The following CDH23 variants were observed in gnomAD, a reference collection of about 807,000 sequenced individuals.
CDH23 encodes the protein cadherin-23.
Under a neutral mutation model 317.1 loss-of-function variants are expected in CDH23, and 189 were observed. The ratio of observed to expected loss-of-function variants is 0.60; its 90% CI spans 0.53 to 0.67. CDH23 has a LOEUF of 0.67. CDH23 is among the 30% of genes least tolerant of loss of function. The pLI is 0.00. For missense variants in CDH23, 4,401 were observed against 4,592.4 expected, an observed-to-expected ratio of 0.96 and a Z score of 1.20; for synonymous variants, 1,839 against 1,876.8, an observed-to-expected ratio of 0.98 and a Z score of 0.52.
At chr10:71,480,363 C>A (rs1852003885) in intron 3 of CDH23, among the ~76,000 whole-genome samples, 1 of 152,242 alleles carries the variant, frequency 6.6e-6, no homozygotes, top group Admixed American at 6.5e-5. Flanking sequence ...AGGCTGTACT[C>A]TGGGAGGACA....
chr10:71,754,974 T>C (rs778526353), intron 38 of CDH23: 8 of 419,806 alleles, frequency 1.9e-5, no homozygotes, highest in Non-Finnish European at 2.9e-5. Context: ...TCATTTTTTG[T>C]CCCAACAATT....
chr10:71,637,059 TG>T (rs1472158839), intron 11 of CDH23, among the ~76,000 whole-genome samples: 1 of 152,142 alleles, frequency 6.6e-6, no homozygotes, highest in Non-Finnish European at 1.5e-5. Flanking sequence ...GGCTTTGAGT[TG>T]AAGGTGGAAG....
intron 3 of CDH23, among the ~76,000 whole-genome samples, chr10:71,463,284 A>C (rs1304666771): frequency 6.6e-6 from 1 of 152,204 alleles, no homozygotes; most frequent in East Asian, 1.9e-4. Context: ...TGGTACCCTC[A>C]TTTGGTGAGA....
At chr10:71,399,647 C>T (rs1847692544) in intron 1 of CDH23, among the ~76,000 whole-genome samples, 1 of 152,092 alleles carries the variant, frequency 6.6e-6, no homozygotes, top group Non-Finnish European at 1.5e-5. Flanking sequence ...CTCCTATAGT[C>T]CCAGCTAATG....
Position 71,541,850 on chromosome 10 carries a change from T to C in CDH23, c.430-24892T>C, listed in dbSNP as rs1001218370. ...TGTTCCAATACAAGTTTATAGATGC[T>C]GAGATTTGAATTTTATATAACTTTT... is the stretch of plus-strand genomic sequence containing the variant. On this transcript the variant is annotated intron_variant, in intron 6 of 69. Coordinates refer to ENST00000224721, the MANE Select transcript of CDH23 (RefSeq NM_022124.6). 2.0e-5 allele frequency among the ~76,000 whole-genome samples: 3 copies of C among 152,244 alleles called. No individual in the cohort carries two copies. In the East Asian group the frequency reaches 5.8e-4, roughly 29 times the overall value.
At chr10:71,571,272 T>C (rs1857786350) in intron 8 of CDH23, among the ~76,000 whole-genome samples, 1 of 151,660 alleles carries the variant, frequency 6.6e-6, no homozygotes, top group Non-Finnish European at 1.5e-5. Context: ...AGAACATCAG[T>C]GTGGCTCAGC....
chr10:71,530,069 A>ACACACT (rs1260256322), intron 6 of CDH23, among the ~76,000 whole-genome samples: 1 of 145,014 alleles, frequency 6.9e-6, no homozygotes, highest in Non-Finnish European at 1.5e-5. Context: ...ACACACACAC[A>ACACACT]CTCTCCCCAG....
intron 11 of CDH23, among the ~76,000 whole-genome samples, chr10:71,625,396 TAAA>T (rs1156772192): frequency 1.2e-3 from 24 of 19,830 alleles, no homozygotes; most frequent in African/African-American, 1.6e-3. Context: ...CCAAATAAAT[TAAA>T]AAAAAAAAAA....
chr10:71,745,800 G>A (rs1259402360), intron 38 of CDH23, among the ~76,000 whole-genome samples: 1 of 152,176 alleles, frequency 6.6e-6, no homozygotes, highest in Non-Finnish European at 1.5e-5. Context: ...CCAGAGACCT[G>A]AGCAGCATGC....
chr10:71,675,217 G>A (rs1255305285), intron 15 of CDH23, 41 bp downstream of exon 15: 2 of 1,557,146 alleles, frequency 1.3e-6, no homozygotes, highest in Non-Finnish European at 1.8e-6. Flanking sequence ...CTCCGCAGTG[G>A]TCCTTGGCCC....
intron 6 of CDH23, among the ~76,000 whole-genome samples, chr10:71,564,297 G>A (rs1295793420): frequency 2.6e-5 from 4 of 152,140 alleles, no homozygotes; most frequent in Admixed American, 6.5e-5. Flanking sequence ...CTCCTTCCCC[G>A]CATCTACTTC....
intron 14 of CDH23, 48 bp downstream of exon 14, chr10:71,646,665 T>A: frequency 1.2e-6 from 2 of 1,613,950 alleles, no homozygotes; most frequent in South Asian, 1.1e-5. Context: ...CAGGGCCGAC[T>A]GTGGTGAGGC....
intron 36 of CDH23, among the ~76,000 whole-genome samples, chr10:71,740,415 G>A (rs868458189): frequency 5.4e-4 from 82 of 152,318 alleles, no homozygotes; most frequent in African/African-American, 1.9e-3. Context: ...CAGAGATCAT[G>A]GGACAGAGTG....
At chr10:71,450,261 A>G (rs2132033113) in intron 3 of CDH23, among the ~76,000 whole-genome samples, 1 of 90,706 alleles carries the variant, frequency 1.1e-5, no homozygotes, top group South Asian at 3.8e-4. Context: ...TCCTGAATCT[A>G]CTTTTTTTTT....
intron 9 of CDH23, among the ~76,000 whole-genome samples, chr10:71,581,223 G>C (rs2132411802): frequency 6.6e-6 from 1 of 152,366 alleles, no homozygotes; most frequent in East Asian, 1.9e-4. Context: ...GTAGGGGCCT[G>C]CCCCAGCCCT....
chr10:71,722,384 G>A (rs1169119728), intron 28 of CDH23, among the ~76,000 whole-genome samples: 1 of 152,254 alleles, frequency 6.6e-6, no homozygotes, highest in Non-Finnish European at 1.5e-5. Context: ...GCACAGATGG[G>A]CTCCTGGAAT....
chr10:71,640,477 C>T (rs1862485971), intron 11 of CDH23, among the ~76,000 whole-genome samples: 1 of 152,200 alleles, frequency 6.6e-6, no homozygotes, highest in African/African-American at 2.4e-5. Flanking sequence ...AGTCCGGGAG[C>T]GGTGGCTCAC....
At chr10:71,627,542 T>C (rs1231085346) in intron 11 of CDH23, among the ~76,000 whole-genome samples, 1 of 152,194 alleles carries the variant, frequency 6.6e-6, no homozygotes, top group Non-Finnish European at 1.5e-5. Flanking sequence ...ATTAGCATGC[T>C]ATTTACGCCA....
intron 12 of CDH23, among the ~76,000 whole-genome samples, chr10:71,644,870 C>T (rs892070842): frequency 1.3e-5 from 2 of 152,204 alleles, no homozygotes; most frequent in South Asian, 2.1e-4. Flanking sequence ...CATCACAGGC[C>T]GCCTGCCCAG....
Sources: gnomAD v4.1 joint callset for allele counts (sites outside exome capture counted in the v4.1 genomes callset) on GRCh38, gnomAD v4.1.1 for gene constraint, MANE v1.5 for transcripts, NCBI Gene and HGNC (gene_info 2026-07-23, HGNC 2026-07-21) for gene names.